Variants in MMP26 observed in about 807,000 individuals in gnomAD.
The protein encoded by MMP26 is matrix metalloproteinase-26.
In MMP26, 33 loss-of-function variants were observed where a neutral mutation model predicts 31.0. That is an observed-to-expected ratio of 1.06 (90% CI 0.81 to 1.42). The LOEUF is 1.42. Ranked by LOEUF, MMP26 falls within the 40% of genes most tolerant of loss-of-function variation. The pLI is 0.00. For missense variants in MMP26, 347 were observed against 316.1 expected, an observed-to-expected ratio of 1.10 and a Z score of -0.74; for synonymous variants, 122 against 114.9, an observed-to-expected ratio of 1.06 and a Z score of -0.40.
chr11:4,747,542 G>A (rs911523479), intron 1 of MMP26, among the ~76,000 whole-genome samples: 5 of 152,124 alleles, frequency 3.3e-5, no homozygotes, highest in Non-Finnish European at 5.9e-5. Flanking sequence ...CAAGGTAGAT[G>A]TTGGCCTTTT....
chr11:4,986,964 T>TCTCTCTCTCTCTCTCC (rs1846909460), intron 2 of MMP26, among the ~76,000 whole-genome samples: 1 of 141,448 alleles, frequency 7.1e-6, no homozygotes, highest in African/African-American at 2.7e-5. Flanking sequence ...TCTCTCCCTC[T>TCTCTCTCTCTCTCTCC]CTCTCTCTCT....
Position 4,955,142 on chromosome 11 carries a change from C to T in MMP26, c.-144-32926C>T, listed in dbSNP as rs147155775. The T allele has an allele frequency of 2.7e-3, 3,693 of 1,349,164 alleles. 658 individuals are homozygous for T. In the African/African-American group the frequency reaches 0.032, roughly 12 times the overall value. The allele number at this position is 1,349,164 out of a possible 1,614,324, so 83.6% of individuals were successfully genotyped here. A position where few individuals can be genotyped will look rare whatever the true frequency, so the allele number is the denominator to read the frequency against. On this transcript the variant is annotated intron_variant, in intron 2 of 7. Transcript: ENST00000380390. The stretch of plus-strand genomic sequence containing the variant: ...GATAACATCAATTCTGTTGTCAGAA[C>T]AGGCCAACTTCATGACATCCTGGTG...
chr11:4,879,863 T>C (rs1850433651), intron 2 of MMP26, among the ~76,000 whole-genome samples: 1 of 151,974 alleles, frequency 6.6e-6, no homozygotes, highest in South Asian at 2.1e-4. Flanking sequence ...CAGAGAACAA[T>C]GGGATGACTC....
chr11:4,857,094 G>T (rs960357149), intron 2 of MMP26, among the ~76,000 whole-genome samples: 13 of 152,088 alleles, frequency 8.5e-5, no homozygotes, highest in Non-Finnish European at 1.9e-4. Flanking sequence ...GAAATTTATA[G>T]CACTAAATGC....
At chr11:4,874,286 G>A (rs1348786871) in intron 2 of MMP26, among the ~76,000 whole-genome samples, 1 of 151,848 alleles carries the variant, frequency 6.6e-6, no homozygotes, top group Non-Finnish European at 1.5e-5. Flanking sequence ...CTACCATATT[G>A]GACAGTACTG....
At chr11:4,899,361 A>G (rs1419685679) in intron 2 of MMP26, among the ~76,000 whole-genome samples, 1 of 152,194 alleles carries the variant, frequency 6.6e-6, no homozygotes, top group Admixed American at 6.5e-5. Flanking sequence ...TGAACGAACT[A>G]CAACATACAT....
intron 1 of MMP26, among the ~76,000 whole-genome samples, chr11:4,727,381 C>G (rs1026642708): frequency 6.6e-6 from 1 of 152,012 alleles, no homozygotes; most frequent in African/African-American, 2.4e-5. Context: ...TGTTTGCTTA[C>G]AGTCATCAAA....
intron 2 of MMP26, among the ~76,000 whole-genome samples, chr11:4,850,533 T>C (rs1339904649): frequency 1.3e-5 from 2 of 152,136 alleles, no homozygotes; most frequent in African/African-American, 2.4e-5. Context: ...TTTTCTTCCC[T>C]GCCCAAATGC....
intron 2 of MMP26, among the ~76,000 whole-genome samples, chr11:4,896,055 T>C (rs1324385494): frequency 6.9e-6 from 1 of 144,208 alleles, no homozygotes; most frequent in Non-Finnish European, 1.5e-5. Context: ...TTATTGTTTG[T>C]TTGTTTTTTA....
intron 1 of MMP26, among the ~76,000 whole-genome samples, chr11:4,766,170 T>A (rs573953028): frequency 6.6e-6 from 1 of 152,226 alleles, no homozygotes; most frequent in Non-Finnish European, 1.5e-5. Flanking sequence ...TTCTTCGGGT[T>A]ATAGTCTCTT....
At position 4,922,576 on chromosome 11, in the gene MMP26, A is replaced by G. The variant is rs186783810; in HGVS notation, c.-144-65492A>G. On this transcript the variant is annotated intron_variant, in intron 2 of 7. Coordinates refer to ENST00000380390, the MANE Select transcript of MMP26 (RefSeq NM_021801.5). ...GAAAAACAGCAGTATTTGTTTCTTC[A>G]TGCAGACTTTGTTTGATATGGCTAG... Among the ~76,000 whole-genome samples the G allele has an allele frequency of 1.7e-4, 26 of 152,326 alleles. No individual in the cohort carries two copies. In the East Asian group the frequency reaches 4.8e-3, roughly 28 times the overall value.
intron 2 of MMP26, among the ~76,000 whole-genome samples, chr11:4,787,916 C>A (rs1848970563): frequency 1.3e-5 from 2 of 152,128 alleles, no homozygotes; most frequent in Admixed American, 6.5e-5. Flanking sequence ...AATGGATAAC[C>A]ATAATTTCAA....
In MMP26 at chr11:4,724,777, A is replaced by G. The variant is rs114130948; in HGVS notation, c.-217+19732A>G. On this transcript the variant is annotated intron_variant, in intron 1 of 7. Coordinates refer to ENST00000380390, the MANE Select transcript of MMP26 (RefSeq NM_021801.5). ...TTTCCTTCCTAGTTATGGCTGAGAC[A>G]GAAAAATCGCAGATGCTAAATTCCA... Among the ~76,000 whole-genome samples the G allele has an allele frequency of 2.6e-3, 399 of 152,350 alleles. 3 individuals carry two copies. The highest frequency in any genetic ancestry group is 9.2e-3 in the African/African-American group (382 of 41,578).
intron 2 of MMP26, among the ~76,000 whole-genome samples, chr11:4,820,226 C>T (rs763927610): frequency 6.6e-6 from 1 of 152,154 alleles, no homozygotes; most frequent in Non-Finnish European, 1.5e-5. Flanking sequence ...TACTGCCTAA[C>T]TGCATAATTT....
At chr11:4,737,889 A>G in intron 1 of MMP26, among the ~76,000 whole-genome samples, 1 of 152,252 alleles carries the variant, frequency 6.6e-6, no homozygotes, top group East Asian at 1.9e-4. Context: ...ACTCTACTGC[A>G]TGGTGCAATC....
intron 2 of MMP26, among the ~76,000 whole-genome samples, chr11:4,896,129 C>T (rs1005838916): frequency 2.0e-5 from 3 of 152,102 alleles, no homozygotes; most frequent in Non-Finnish European, 4.4e-5. Flanking sequence ...ATTTATGTTC[C>T]TTCCAAATCT....
Position 4,822,286 on chromosome 11 carries a change from C to T in MMP26, c.-145+54945C>T, listed in dbSNP as rs1396509005. 4 of 1,551,692 alleles carry T rather than the reference C, an allele frequency of 2.6e-6. No homozygotes were observed. The East Asian group carries it at 9.0e-5, about 35-fold the overall frequency. On this transcript the variant is annotated intron_variant, in intron 2 of 7. Coordinates refer to ENST00000380390, the MANE Select transcript of MMP26 (RefSeq NM_021801.5). Reference sequence around the variant, plus strand: ...TGTCTTTCTGCTAATCCCTCCTGTGCTCAACCCTATTATTTACAGTGTAAA... The same window carrying T: ...TGTCTTTCTGCTAATCCCTCCTGTGTTCAACCCTATTATTTACAGTGTAAA...
chr11:4,958,150 C>T (rs565409055), intron 2 of MMP26, among the ~76,000 whole-genome samples: 12 of 152,160 alleles, frequency 7.9e-5, no homozygotes, highest in Non-Finnish European at 1.8e-4. Context: ...CAAGATAAGA[C>T]ATTGGAGCAA....
At chr11:4,910,074 T>C (rs1015830154) in intron 2 of MMP26, among the ~76,000 whole-genome samples, 3 of 152,124 alleles carry the variant, frequency 2.0e-5, no homozygotes, top group Non-Finnish European at 4.4e-5. Flanking sequence ...TAAGCTGCAG[T>C]TCTGACATGG....
Sources: allele counts gnomAD v4.1 joint callset (sites outside exome capture counted in the v4.1 genomes callset), GRCh38; gene constraint gnomAD v4.1.1; transcripts MANE v1.5; gene names NCBI Gene and HGNC (gene_info 2026-07-23, HGNC 2026-07-21).